Variants in CNIH3 observed in about 807,000 individuals in gnomAD.
CNIH3 encodes the protein cornichon family AMPA receptor auxiliary protein 3.
In CNIH3, 14 loss-of-function variants were observed where a neutral mutation model predicts 24.1. The ratio of observed to expected loss-of-function variants is 0.58; its 90% CI spans 0.38 to 0.91. The LOEUF is 0.91. Among genes scored for constraint, CNIH3 ranks in the 40% least tolerant of loss-of-function variants. The pLI is 0.00. For missense variants in CNIH3, 178 were observed against 196.8 expected, an observed-to-expected ratio of 0.90 and a Z score of 0.57; for synonymous variants, 68 against 73.8, an observed-to-expected ratio of 0.92 and a Z score of 0.40.
At chr1:224,662,756 A>G (rs1308482807) in intron 1 of CNIH3, among the ~76,000 whole-genome samples, 1 of 152,226 alleles carries the variant, frequency 6.6e-6, no homozygotes. Context: ...ATGTACACAT[A>G]TAAACAAAGA....
chr1:224,727,893 T>C (rs761961067), intron 3 of CNIH3, among the ~76,000 whole-genome samples: 12 of 152,114 alleles, frequency 7.9e-5, no homozygotes, highest in Admixed American at 5.2e-4. Context: ...ATTCTTCAGC[T>C]TTTTTCCCAA....
chr1:224,535,881 C>G (rs753261233), intron 2 of CNIH3, among the ~76,000 whole-genome samples: 1 of 152,206 alleles, frequency 6.6e-6, no homozygotes, highest in Non-Finnish European at 1.5e-5. Context: ...GGATCTGTGG[C>G]CTCCTGTAGA....
downstream of CNIH3, among the ~76,000 whole-genome samples, chr1:224,591,703 G>T (rs775996797): frequency 6.6e-6 from 1 of 152,186 alleles, no homozygotes; most frequent in Non-Finnish European, 1.5e-5. Context: ...CAGGAAGCCA[G>T]CATCCCTAGG....
intron 4 of CNIH3, among the ~76,000 whole-genome samples, chr1:224,581,817 A>C (rs1261276804): frequency 7.9e-5 from 12 of 152,198 alleles, no homozygotes. Flanking sequence ...GATAACATTT[A>C]AGTCACTTAT....
intron 1 of CNIH3, among the ~76,000 whole-genome samples, chr1:224,519,839 A>T (rs1402929088): frequency 6.6e-6 from 1 of 151,938 alleles, no homozygotes; most frequent in Non-Finnish European, 1.5e-5. Context: ...GGCTATTGAG[A>T]TGGAAATGAA....
At chr1:224,436,026 A>T (rs1365071598) in intron 1 of CNIH3, 2 of 152,244 alleles carry the variant, frequency 1.3e-5, no homozygotes, top group Non-Finnish European at 2.9e-5. Flanking sequence ...AATACAATAA[A>T]AAATGATGCT....
At chr1:224,553,581 T>C (rs1337139052) in intron 3 of CNIH3, among the ~76,000 whole-genome samples, 1 of 152,124 alleles carries the variant, frequency 6.6e-6, no homozygotes, top group East Asian at 1.9e-4. Flanking sequence ...AGGCTGTTAG[T>C]GCCCTCTGCT....
intron 3 of CNIH3, among the ~76,000 whole-genome samples, chr1:224,556,138 C>A (rs1207900029): frequency 1.3e-5 from 2 of 151,512 alleles, no homozygotes; most frequent in Non-Finnish European, 2.9e-5. Context: ...TTTCCTGGGA[C>A]AACAGAGAAC....
At chr1:224,734,946 G>A (rs1049956167) in intron 5 of CNIH3, among the ~76,000 whole-genome samples, 2 of 152,142 alleles carry the variant, frequency 1.3e-5, no homozygotes, top group Admixed American at 6.5e-5. Flanking sequence ...TTAGGGCCAC[G>A]CAGTGAAAAC....
Position 224,458,777 on chromosome 1 carries a change from T to C in CNIH3, n.203+23915T>C, listed in dbSNP as rs570812551. On this transcript the variant is annotated intron_variant and non_coding_transcript_variant, in intron 1 of 5. Transcript: ENST00000471578. This position sits in a 1 kb window ranked among gnomAD's most constrained non-coding sequence, Gnocchi z 4.3. ...GTATCAGACACACTGGGTAGCTGAGTGCTCAGAGGAAGATGCGAGGTATTC... is the reference window on the plus strand; with the variant it reads ...GTATCAGACACACTGGGTAGCTGAGCGCTCAGAGGAAGATGCGAGGTATTC... 2.7e-4 allele frequency among the ~76,000 whole-genome samples: 41 copies of C among 152,242 alleles called. No individual in the cohort carries two copies. The highest frequency in any genetic ancestry group is 4.2e-4 in the South Asian group (2 of 4,818).
chr1:224,712,513 A>G (rs1688210096), intron 3 of CNIH3, among the ~76,000 whole-genome samples: 1 of 152,210 alleles, frequency 6.6e-6, no homozygotes, highest in Admixed American at 6.5e-5. Context: ...AAATTACTCA[A>G]CAAGTATTTA....
chr1:224,634,583 A>AAAG lies in CNIH3; in HGVS notation c.81+17329_81+17330insAGA, dbSNP rs1199669184. Among the ~76,000 whole-genome samples, 231 of 134,062 alleles carry AAAG rather than the reference A, an allele frequency of 1.7e-3. 3 individuals are homozygous for AAAG. Among genetic ancestry groups the AAAG allele is most frequent in the African/African-American group, 6.6e-3 (223 of 33,850 alleles). The allele number at this position is 134,062 out of a possible 152,430, so 87.9% of individuals were successfully genotyped here. ...TTGAGACTCTGTCTCCAAAAAAAAAAATAAAAAAAAAAAGGTTTTTTGCTA... is the reference window on the plus strand; with the variant it reads ...TTGAGACTCTGTCTCCAAAAAAAAAAAAGATAAAAAAAAAAAGGTTTTTTGCTA... On this transcript the variant is annotated intron_variant, in intron 1 of 5. Transcript: ENST00000272133.
chr1:224,709,262 GCTCT>G (rs58979922), intron 3 of CNIH3, among the ~76,000 whole-genome samples: 2 of 150,906 alleles, frequency 1.3e-5, no homozygotes, highest in African/African-American at 2.4e-5. Flanking sequence ...ATCTTCTCCT[GCTCT>G]CTCTCTCTCT....
chr1:224,680,794 G>A (rs1281832635), intron 1 of CNIH3, among the ~76,000 whole-genome samples, 164 bp from the exon 2 acceptor site: 2 of 152,172 alleles, frequency 1.3e-5, no homozygotes, highest in African/African-American at 4.8e-5. Context: ...TCAACCCCAT[G>A]TGCTTATTGC....
At chr1:224,710,894 C>T (rs1688101835) in intron 3 of CNIH3, among the ~76,000 whole-genome samples, 1 of 152,190 alleles carries the variant, frequency 6.6e-6, no homozygotes, top group Non-Finnish European at 1.5e-5. Flanking sequence ...TTTTTAAAAG[C>T]ATCTTCTTCC....
intron 1 of CNIH3, among the ~76,000 whole-genome samples, chr1:224,633,029 A>G (rs1292051321): frequency 6.6e-6 from 1 of 152,014 alleles, no homozygotes; most frequent in Non-Finnish European, 1.5e-5. Context: ...CAGTCCCCAA[A>G]TGCTGTGGTC....
intron 5 of CNIH3, among the ~76,000 whole-genome samples, chr1:224,736,299 A>G (rs983671688): frequency 3.3e-5 from 5 of 151,572 alleles, no homozygotes; most frequent in African/African-American, 1.2e-4. Flanking sequence ...TAATTTTTGT[A>G]TTTTTCTGTA....
intron 1 of CNIH3, among the ~76,000 whole-genome samples, chr1:224,501,545 G>C (rs1677671204): frequency 6.8e-6 from 1 of 147,880 alleles, no homozygotes; most frequent in African/African-American, 2.5e-5. Flanking sequence ...TTTAACCCCA[G>C]AGTTCATGTT....
chr1:224,697,763 T>C (rs559592317), intron 3 of CNIH3, among the ~76,000 whole-genome samples: 1 of 152,316 alleles, frequency 6.6e-6, no homozygotes, highest in East Asian at 1.9e-4. Context: ...CATTTCTGGG[T>C]CCTGTTTCTG....
Sources: allele counts gnomAD v4.1 joint callset (sites outside exome capture counted in the v4.1 genomes callset), GRCh38; gene constraint gnomAD v4.1.1; non-coding constraint Gnocchi (gnomAD v3.1); transcripts MANE v1.5; gene names NCBI Gene and HGNC (gene_info 2026-07-23, HGNC 2026-07-21).